Variants in SCAI observed in about 807,000 individuals in gnomAD.
SCAI encodes protein SCAI.
A neutral mutation model predicts 92.2 loss-of-function variants in SCAI; 24 were observed. The ratio of observed to expected loss-of-function variants is 0.26; its 90% CI spans 0.19 to 0.37. The LOEUF is 0.37. Ranked by LOEUF, SCAI falls within the 10% of genes least tolerant of loss-of-function variation. SCAI has a pLI of 1.00. For missense variants in SCAI, 450 were observed against 736.2 expected, an observed-to-expected ratio of 0.61 and a Z score of 4.50; for synonymous variants, 261 against 258.6, an observed-to-expected ratio of 1.01 and a Z score of -0.09.
chr9:125,039,097 G>C (rs1177639902), intron 3 of SCAI, among the ~76,000 whole-genome samples: 1 of 152,050 alleles, frequency 6.6e-6, no homozygotes, highest in Non-Finnish European at 1.5e-5. Flanking sequence ...TTTAGAAGTA[G>C]CAATCTGGGG....
In SCAI at chr9:124,945,255, T is replaced by C. The variant is rs994290082; in HGVS notation, c.*7552A>G. 1 of 152,204 alleles carries C rather than the reference T, an allele frequency of 6.6e-6. No individual in the cohort carries two copies. The highest frequency in any genetic ancestry group is 2.4e-5 in the African/African-American group (1 of 41,450). 9.4% of individuals were successfully genotyped at this position (152,204 alleles called of 1,614,324 possible). A position where few individuals can be genotyped will look rare whatever the true frequency, so the allele number is the denominator to read the frequency against. On this transcript the variant is annotated 3_prime_UTR_variant, in exon 18 of 18. Transcript: ENST00000336505. ...ACTGGTTAAAGTAGTCTGATAACTA[T>C]TAAAAAGAATTTTTTTTAGGCCGGC...
intron 2 of SCAI, among the ~76,000 whole-genome samples, chr9:125,074,936 G>A (rs1434297410): frequency 2.0e-5 from 3 of 151,954 alleles, no homozygotes; most frequent in Non-Finnish European, 2.9e-5. Context: ...TCCAGGAGGC[G>A]GAGGTTGCAG....
chr9:125,011,058 G>A (rs1424379861), intron 9 of SCAI, among the ~76,000 whole-genome samples: 5 of 152,124 alleles, frequency 3.3e-5, no homozygotes. Flanking sequence ...AAGACCAAAA[G>A]TAGATAAAAC....
intron 9 of SCAI, among the ~76,000 whole-genome samples, chr9:125,004,464 G>C (rs548575928): frequency 4.1e-4 from 62 of 151,414 alleles, no homozygotes; most frequent in African/African-American, 1.4e-3. Context: ...GAGTAGCTGG[G>C]ATTACAGGCG....
Position 125,055,932 on chromosome 9 carries a change from T to C in SCAI, c.174A>G (p.Thr58=). The part of the protein sequence containing the change: ...EDDIPQGERK[T]VTDFCYLLDK... ...CCAGAAGATAACAAAAATCTGTAACTGTTTTCCTCTCTCCCTGTGGGATAT... is the reference window on the plus strand; with the variant it reads ...CCAGAAGATAACAAAAATCTGTAACCGTTTTCCTCTCTCCCTGTGGGATAT... Residue 58 remains threonine, a synonymous_variant, in exon 3 of 18, where the codon ACA becomes ACG. Transcript: ENST00000336505. The C allele has an allele frequency of 6.2e-7, 1 of 1,612,680 alleles. No homozygotes were observed. The highest frequency in any genetic ancestry group is 8.5e-7 in the Non-Finnish European group (1 of 1,178,852).
At chr9:124,975,464 C>T (rs1477073006) in intron 15 of SCAI, 1 of 360,666 alleles carries the variant, frequency 2.8e-6, no homozygotes, top group African/African-American at 2.1e-5. Context: ...TAGTATTTTA[C>T]CTACTAAATG....
rs34786493 is a variant in SCAI, at chr9:125,084,158, C to CT, written c.99-28152dup. ...ATATGAACAGGACTCTTGGCTGCTG[C>CT]TTTTTTTTTTTTTTTTTTTTTTTTT... On this transcript the variant is annotated intron_variant, in intron 2 of 17. Coordinates refer to ENST00000336505, the MANE Select transcript of SCAI (RefSeq NM_001144877.3). 8.7e-3 allele frequency among the ~76,000 whole-genome samples: 569 copies of CT among 65,116 alleles called. 148 individuals carry two copies. The highest frequency in any genetic ancestry group is 0.015 in the East Asian group (26 of 1,752). 42.7% of individuals were successfully genotyped at this position (65,116 alleles called of 152,430 possible).
chr9:125,056,509 T>C (rs1419073864), intron 2 of SCAI, among the ~76,000 whole-genome samples: 2 of 152,062 alleles, frequency 1.3e-5, no homozygotes, highest in Non-Finnish European at 2.9e-5. Flanking sequence ...TCTCCTATCA[T>C]TGGTATGGAT....
intron 2 of SCAI, among the ~76,000 whole-genome samples, chr9:125,127,870 T>C (rs1329583781): frequency 6.6e-6 from 1 of 151,918 alleles, no homozygotes; most frequent in Non-Finnish European, 1.5e-5. Flanking sequence ...TAGCCAGATA[T>C]GGTGGTGCGT....
rs1468388282 is a variant in SCAI at position 125,097,355 on chromosome 9, C to T, written c.99-41348G>A. On this transcript the variant is annotated intron_variant, in intron 2 of 17. Transcript: ENST00000336505. ...GGCTGAGACAGGAGAATTGCTTGAA[C>T]TCGGGAGGTAGAGATTGCAGTGAGC... Among the ~76,000 whole-genome samples the T allele has an allele frequency of 2.0e-5, 3 of 152,048 alleles. No individual in the cohort carries two copies. In the East Asian group the frequency reaches 5.8e-4, roughly 29 times the overall value.
At chr9:124,973,612 C>T (rs1381438710) in intron 15 of SCAI, among the ~76,000 whole-genome samples, 1 of 152,134 alleles carries the variant, frequency 6.6e-6, no homozygotes, top group East Asian at 1.9e-4. Context: ...GCGGGCAGAT[C>T]ACGAGGTCAG....
At chr9:125,012,412 A>C (rs12344659) in intron 9 of SCAI, among the ~76,000 whole-genome samples, 23,113 of 152,074 alleles carry the variant, frequency 0.15, 1,900 homozygotes, top group Admixed American at 0.23. Context: ...CTTTAAACCA[A>C]CAAAGATCAA....
At position 124,968,321 on chromosome 9, in the gene SCAI, G is replaced by A. The variant is rs1436644305; in HGVS notation, c.1674+3049C>T. On this transcript the variant is annotated intron_variant, in intron 17 of 17. Coordinates refer to ENST00000336505, the MANE Select transcript of SCAI (RefSeq NM_001144877.3). ...AAGCGTCTTCTCCAGAATAGGCCAA[G>A]GAAGACAAGTCCAGTTTGGTTTTTA... The A allele has an allele frequency of 3.2e-6, 4 of 1,231,918 alleles. No individual in the cohort carries two copies. In the South Asian group the frequency reaches 4.8e-5, roughly 15 times the overall value. The allele number at this position is 1,231,918 out of a possible 1,614,324, so 76.3% of individuals were successfully genotyped here. A position where few individuals can be genotyped will look rare whatever the true frequency, so the allele number is the denominator to read the frequency against.
intron 3 of SCAI, among the ~76,000 whole-genome samples, chr9:125,037,543 T>A (rs1306304468): frequency 6.6e-6 from 1 of 152,228 alleles, no homozygotes; most frequent in Non-Finnish European, 1.5e-5. Flanking sequence ...CATATTTGTT[T>A]TGTCACCTTA....
chr9:125,118,731 T>A (rs1415056189), intron 2 of SCAI, among the ~76,000 whole-genome samples: 1 of 151,816 alleles, frequency 6.6e-6, no homozygotes. Context: ...CCTCGATGAG[T>A]GTTGTTCCCT....
chr9:125,002,946 GAAACA>G (rs1373476503), intron 11 of SCAI, among the ~76,000 whole-genome samples, 163 bp downstream of exon 11: 2 of 145,048 alleles, frequency 1.4e-5, no homozygotes, highest in Non-Finnish European at 3.0e-5. Flanking sequence ...AAAAAAAAAA[GAAACA>G]AAACAAAACA....
At chr9:124,986,248 G>T (rs897514457) in intron 14 of SCAI, among the ~76,000 whole-genome samples, 1 of 151,260 alleles carries the variant, frequency 6.6e-6, no homozygotes, top group African/African-American at 2.4e-5. Context: ...CCGAGATCAC[G>T]CCACTGCACT....
chr9:125,070,540 A>G lies in SCAI; in HGVS notation c.99-14533T>C, dbSNP rs182704558. Among the ~76,000 whole-genome samples the G allele has an allele frequency of 2.2e-3, 335 of 151,960 alleles. 3 individuals are homozygous for G. The highest frequency in any genetic ancestry group is 7.7e-3 in the African/African-American group (320 of 41,418). On this transcript the variant is annotated intron_variant, in intron 2 of 17. Transcript: ENST00000336505. ...TCAGCCTCCGAGTAGCTGGGATTACAGGCACCTGCCACCAAACCCAACTAG... is the reference window on the plus strand; with the variant it reads ...TCAGCCTCCGAGTAGCTGGGATTACGGGCACCTGCCACCAAACCCAACTAG...
chr9:125,069,378 C>T lies in SCAI; in HGVS notation c.99-13371G>A, dbSNP rs778807642. Among the ~76,000 whole-genome samples the T allele has an allele frequency of 2.0e-5, 3 of 149,080 alleles. No homozygotes were observed. The South Asian group carries it at 6.4e-4, about 32-fold the overall frequency. On this transcript the variant is annotated intron_variant, in intron 2 of 17. Transcript: ENST00000336505. ...TGTCGCCCAGGCTGGAGTCCAGTGG[C>T]GTGATCTTGGCTCACTGCAAGCTCC...
Sources: gnomAD v4.1 joint callset for allele counts (sites outside exome capture counted in the v4.1 genomes callset) on GRCh38, gnomAD v4.1.1 for gene constraint, MANE v1.5 for transcripts, NCBI Gene and HGNC (gene_info 2026-07-23, HGNC 2026-07-21) for gene names.